Variants in TCN2 observed in about 807,000 individuals in gnomAD.
The protein encoded by TCN2 is transcobalamin-2.
In TCN2, 34 loss-of-function variants were observed where a neutral mutation model predicts 48.6. That is an observed-to-expected ratio of 0.70 (90% CI 0.53 to 0.93). The LOEUF is 0.93. TCN2 is among the 40% of genes least tolerant of loss of function. The pLI, the probability that TCN2 is intolerant of heterozygous loss-of-function variation, is 0.00. For synonymous variants in TCN2, 283 were observed against 212.5 expected, an observed-to-expected ratio of 1.33 and a Z score of -2.89; for missense variants, 652 against 526.1, an observed-to-expected ratio of 1.24 and a Z score of -2.34.
At chr22:30,625,491 TCTCA>T (rs1456418581) in intron 8 of TCN2, among the ~76,000 whole-genome samples, 1 of 151,398 alleles carries the variant, frequency 6.6e-6, no homozygotes, top group African/African-American at 2.4e-5. Flanking sequence ...GAGATGGGGG[TCTCA>T]CTCTGTCACC....
chr22:30,614,365 C>T lies in TCN2; in HGVS notation c.444C>T (p.Gly148=). 1 of 1,614,134 alleles carries T rather than the reference C, an allele frequency of 6.2e-7. No individual in the cohort carries two copies. The highest frequency in any genetic ancestry group is 8.5e-7 in the Non-Finnish European group (1 of 1,180,008). ...CCCTCTCAGGGCATGATCACAAGGG[C>T]CACCCCCACACTAGCTACTACCAGT... ...EKRAIGHDHK[G]HPHTSYYQYG... The change falls in exon 4 of 9, where the codon GGC becomes GGT. Residue 148 remains glycine, a synonymous_variant. Coordinates refer to ENST00000215838, the MANE Select transcript of TCN2 (RefSeq NM_000355.4).
At chr22:30,625,902 T>G (rs2087801464) in intron 8 of TCN2, among the ~76,000 whole-genome samples, 1 of 152,168 alleles carries the variant, frequency 6.6e-6, no homozygotes, top group Admixed American at 6.5e-5. Flanking sequence ...CACAGACATT[T>G]TAGACCATAG....
intron 7 of TCN2, among the ~76,000 whole-genome samples, chr22:30,618,907 C>A (rs894248628): frequency 1.3e-5 from 2 of 152,092 alleles, no homozygotes; most frequent in Non-Finnish European, 2.9e-5. Context: ...GTAGCTGGGA[C>A]TATGGGCATG....
chr22:30,623,527 C>G (rs2087730090), intron 8 of TCN2, among the ~76,000 whole-genome samples: 1 of 151,802 alleles, frequency 6.6e-6, no homozygotes, highest in Admixed American at 6.6e-5. Context: ...TCTGGGATTA[C>G]AGGCATGAGC....
intron 7 of TCN2, among the ~76,000 whole-genome samples, chr22:30,619,067 G>A (rs905783028): frequency 3.3e-5 from 5 of 152,062 alleles, no homozygotes; most frequent in African/African-American, 9.7e-5. Flanking sequence ...ACTATGCCTG[G>A]CCCAGAATAA....
intron 8 of TCN2, among the ~76,000 whole-genome samples, chr22:30,623,699 AAT>A (rs67554337): frequency 0.32 from 35,566 of 111,934 alleles, 7,945 homozygotes; most frequent in Non-Finnish European, 0.39. Flanking sequence ...ATATATATGA[AAT>A]ATATATATAT....
At position 30,626,948 on chromosome 22, in the gene TCN2, T is replaced by C. The variant is rs1380215084; in HGVS notation, c.*427T>C. The C allele has an allele frequency of 7.0e-6, 2 of 286,326 alleles. No individual in the cohort carries two copies. Among genetic ancestry groups the C allele is most frequent in the East Asian group, 8.3e-5 (1 of 12,116 alleles). 17.7% of individuals were successfully genotyped at this position (286,326 alleles called of 1,614,324 possible). A position where few individuals can be genotyped will look rare whatever the true frequency, so the allele number is the denominator to read the frequency against. On this transcript the variant is annotated 3_prime_UTR_variant, in exon 9 of 9. Coordinates refer to ENST00000215838, the MANE Select transcript of TCN2 (RefSeq NM_000355.4). ...CCCTGACCCCAGCTCTCCACTCTGCTGTTAGAGTGGCAGCTCCGAGCTGGT... is the reference window on the plus strand; with the variant it reads ...CCCTGACCCCAGCTCTCCACTCTGCCGTTAGAGTGGCAGCTCCGAGCTGGT...
At chr22:30,616,651 A>G (rs1025569807) in intron 6 of TCN2, among the ~76,000 whole-genome samples, 1 of 152,058 alleles carries the variant, frequency 6.6e-6, no homozygotes, top group African/African-American at 2.4e-5. Context: ...AATACGAAAG[A>G]TTAGCCAGGC....
intron 6 of TCN2, 113 bp downstream of exon 6, chr22:30,615,900 G>GAAACTCCATCTATTAAAAATACAAAAAA: frequency 7.8e-7 from 1 of 1,289,106 alleles, no homozygotes; most frequent in Non-Finnish European, 1.1e-6. Flanking sequence ...ACAAGATTGT[G>GAAACTCCATCTATTAAAAATACAAAAAA]GGTGTGCATG....
chr22:30,617,599 A>G, intron 7 of TCN2, 104 bp downstream of exon 7: 2 of 1,479,288 alleles, frequency 1.4e-6, no homozygotes, highest in South Asian at 1.2e-5. Flanking sequence ...CTCGGGAGAG[A>G]CACTGGCCCT....
chr22:30,611,039 T>A lies in TCN2; in HGVS notation c.233T>A (p.Leu78His). 6.2e-7 allele frequency: 1 copy of A among 1,614,132 alleles called. No homozygotes were observed. The highest frequency in any genetic ancestry group is 2.2e-5 in the East Asian group (1 of 44,880). The change falls in exon 2 of 9, where the codon CTT becomes CAT. Residue 78 changes from leucine (L) to histidine (H), a missense_variant. Transcript: ENST00000215838. ...GACCTCTACCTGCACAGCCTCAAGCTTGGTTACCAGCAGTGCCTCCTAGGG... is the reference window on the plus strand; with the variant it reads ...GACCTCTACCTGCACAGCCTCAAGCATGGTTACCAGCAGTGCCTCCTAGGG... ...KEDLYLHSLK[L>H]GYQQCLLGSA... is the part of the protein sequence containing the mutation.
At chr22:30,618,821 T>G (rs1485929335) in intron 7 of TCN2, among the ~76,000 whole-genome samples, 1 of 151,882 alleles carries the variant, frequency 6.6e-6, no homozygotes, top group Non-Finnish European at 1.5e-5. Flanking sequence ...CCAGACTGGG[T>G]TGCAGTGGCA....
chr22:30,608,958 T>C (rs1473449304), intron 1 of TCN2, among the ~76,000 whole-genome samples: 1 of 152,136 alleles, frequency 6.6e-6, no homozygotes, highest in African/African-American at 2.4e-5. Context: ...GTCACTTAAT[T>C]GCACCCAGCC....
chr22:30,608,165 G>A (rs1426161813), intron 1 of TCN2, among the ~76,000 whole-genome samples: 7 of 152,152 alleles, frequency 4.6e-5, no homozygotes, highest in Non-Finnish European at 1.0e-4. Context: ...GGCCGCCCAC[G>A]CGCCTTTTCT....
intron 2 of TCN2, 23 bp from the exon 3 acceptor site, chr22:30,612,850 G>T: frequency 1.2e-6 from 2 of 1,612,400 alleles, no homozygotes; most frequent in South Asian, 1.1e-5. Context: ...TTCTCACAAA[G>T]GCATTAACTG....
At position 30,615,551 on chromosome 22, in the gene TCN2, C is replaced by T. The variant is rs766428881; in HGVS notation, c.754-50C>T. ...AGTGGTCAGGTGCTGGAACACCTAG[C>T]CCCTCCCTGCCGGCTGACTTCCTCT... On this transcript the variant is annotated intron_variant, in intron 5 of 8. Transcript: ENST00000215838. The T allele has an allele frequency of 1.9e-5, 30 of 1,613,648 alleles. No homozygotes were observed. In the East Asian group the frequency reaches 5.8e-4, roughly 31 times the overall value.
intron 7 of TCN2, among the ~76,000 whole-genome samples, chr22:30,619,218 G>A (rs2087660929): frequency 6.6e-6 from 1 of 152,142 alleles, no homozygotes; most frequent in Non-Finnish European, 1.5e-5. Context: ...GGAACAACAG[G>A]CATGCGCCAC....
At chr22:30,616,822 G>A (rs1241739670) in intron 6 of TCN2, among the ~76,000 whole-genome samples, 1 of 152,134 alleles carries the variant, frequency 6.6e-6, no homozygotes, top group Non-Finnish European at 1.5e-5. Flanking sequence ...AGAATGGATA[G>A]AGTGGAGCCA....
At chr22:30,608,084 A>G (rs929973290) in intron 1 of TCN2, among the ~76,000 whole-genome samples, 3 of 152,124 alleles carry the variant, frequency 2.0e-5, no homozygotes, top group Non-Finnish European at 4.4e-5. Flanking sequence ...GGACCTGTCT[A>G]TGAGTCTGAG....
Sources: allele counts gnomAD v4.1 joint callset (sites outside exome capture counted in the v4.1 genomes callset), GRCh38; gene constraint gnomAD v4.1.1; transcripts MANE v1.5; gene names NCBI Gene and HGNC (gene_info 2026-07-23, HGNC 2026-07-21).